CA12: variants seen among roughly 807,000 people sequenced by gnomAD.
The protein encoded by CA12 is carbonic anhydrase 12.
CA12 carries 36 observed loss-of-function variants against 46.8 expected under a neutral mutation model. That is an observed-to-expected ratio of 0.77 (90% CI 0.59 to 1.02). The LOEUF is 1.02. Among genes scored for constraint, CA12 ranks in the 50% least tolerant of loss-of-function variants. The pLI is 0.00. For missense variants in CA12, 436 were observed against 451.4 expected, an observed-to-expected ratio of 0.97 and a Z score of 0.31; for synonymous variants, 202 against 187.0, an observed-to-expected ratio of 1.08 and a Z score of -0.65.
chr15:63,363,863 A>C (rs1040708289), intron 2 of CA12, among the ~76,000 whole-genome samples: 1 of 152,198 alleles, frequency 6.6e-6, no homozygotes, highest in African/African-American at 2.4e-5. Flanking sequence ...CTGATGTACA[A>C]GTTAAGCATT....
At position 63,328,216 on chromosome 15, in the gene CA12, T is replaced by G; in HGVS notation, c.875-86A>C. 2 of 1,263,626 alleles carry G rather than the reference T, an allele frequency of 1.6e-6. No individual in the cohort carries two copies. The highest frequency in any genetic ancestry group is 2.3e-6 in the Non-Finnish European group (2 of 866,220). The allele number at this position is 1,263,626 out of a possible 1,614,324, so 78.3% of individuals were successfully genotyped here. On this transcript the variant is annotated intron_variant, in intron 8 of 10. Coordinates refer to ENST00000178638, the MANE Select transcript of CA12 (RefSeq NM_001218.5). The surrounding 1 kb of genome is among the most constrained non-coding windows in gnomAD (Gnocchi z 5.9). ...AGCGTGTTGAGAGACGCTCTACCAT[T>G]TGTTTGGTCTTAGGCTGACAGACCT...
Position 63,378,166 on chromosome 15 carries a change from T to A in CA12, c.86-2488A>T, listed in dbSNP as rs2039601229. On this transcript the variant is annotated intron_variant, in intron 1 of 10. Transcript: ENST00000178638. The surrounding 1 kb of genome is among the most constrained non-coding windows in gnomAD (Gnocchi z 4.8). ...ACTTTGGAAGACCAAGACAGGCAGA[T>A]CGCCTGAGGTCAGGAGTTCGAGACC... 6.6e-6 allele frequency among the ~76,000 whole-genome samples: 1 copy of A among 152,150 alleles called. No homozygotes were observed. Among genetic ancestry groups the A allele is most frequent in the South Asian group, 2.1e-4 (1 of 4,834 alleles).
At position 63,324,640 on chromosome 15, in the gene CA12, G is replaced by A. The variant is rs1372045158; in HGVS notation, c.*1645C>T. 1 of 151,262 alleles carries A rather than the reference G, an allele frequency of 6.6e-6. No homozygotes were observed. The highest frequency in any genetic ancestry group is 2.4e-5 in the African/African-American group (1 of 41,134). 9.4% of individuals were successfully genotyped at this position (151,262 alleles called of 1,614,324 possible). A position where few individuals can be genotyped will look rare whatever the true frequency, so the allele number is the denominator to read the frequency against. The stretch of plus-strand genomic sequence containing the variant: ...TTTGCCTAGCAAAACAGGCTCCCAA[G>A]ACATAAGGCTTGCCATCGTTGTGAA... On this transcript the variant is annotated 3_prime_UTR_variant, in exon 11 of 11. Transcript: ENST00000178638.
chr15:63,343,792 C>T (rs924304278), intron 4 of CA12, among the ~76,000 whole-genome samples: 2 of 152,188 alleles, frequency 1.3e-5, no homozygotes, highest in African/African-American at 2.4e-5. Flanking sequence ...TGCCAATCTA[C>T]ACCCTAACCT....
Position 63,340,553 on chromosome 15 carries a change from G to A in CA12, c.590-108C>T. ...GAAACATGAACTAGCCCCTTTCAGG[G>A]TCATCTAACCCCAGGACCTGGTTGC... is the stretch of plus-strand genomic sequence containing the variant. On this transcript the variant is annotated intron_variant, in intron 6 of 10. Coordinates refer to ENST00000178638, the MANE Select transcript of CA12 (RefSeq NM_001218.5). The surrounding 1 kb of genome is among the most constrained non-coding windows in gnomAD (Gnocchi z 4.4). The A allele has an allele frequency of 4.0e-6, 6 of 1,489,260 alleles. No homozygotes were observed. Among genetic ancestry groups the A allele is most frequent in the Non-Finnish European group, 5.6e-6 (6 of 1,067,124 alleles). The allele number at this position is 1,489,260 out of a possible 1,614,324, so 92.3% of individuals were successfully genotyped here. A position where few individuals can be genotyped will look rare whatever the true frequency, so the allele number is the denominator to read the frequency against.
At position 63,345,452 on chromosome 15, in the gene CA12, C is replaced by T. The variant is rs1379581938; in HGVS notation, c.429+25G>A. The T allele has an allele frequency of 1.2e-6, 2 of 1,602,686 alleles. No homozygotes were observed. The highest frequency in any genetic ancestry group is 2.2e-5 in the East Asian group (1 of 44,874). ...CACACCACCCACTGCAGAGCAGCCT[C>T]TGCCAGACTGGCAGCCCTACTTACC... On this transcript the variant is annotated intron_variant, in intron 4 of 10. Coordinates refer to ENST00000178638, the MANE Select transcript of CA12 (RefSeq NM_001218.5). The surrounding 1 kb of genome is among the most constrained non-coding windows in gnomAD (Gnocchi z 4.3).
chr15:63,378,349 T>C lies in CA12; in HGVS notation c.86-2671A>G, dbSNP rs1159216127. 2.0e-5 allele frequency among the ~76,000 whole-genome samples: 3 copies of C among 151,944 alleles called. No homozygotes were observed. The highest frequency in any genetic ancestry group is 4.4e-5 in the Non-Finnish European group (3 of 67,976). ...GTTGCAGTGAGCTGAGATTGTGCCATTGCACTCCAGAATGGGTGACAGAGC... is the reference window on the plus strand; with the variant it reads ...GTTGCAGTGAGCTGAGATTGTGCCACTGCACTCCAGAATGGGTGACAGAGC... On this transcript the variant is annotated intron_variant, in intron 1 of 10. Coordinates refer to ENST00000178638, the MANE Select transcript of CA12 (RefSeq NM_001218.5). The surrounding 1 kb of genome is among the most constrained non-coding windows in gnomAD (Gnocchi z 4.8).
Position 63,328,206 on chromosome 15 carries a change from G to GCT in CA12, c.875-78_875-77dup. On this transcript the variant is annotated intron_variant, in intron 8 of 10. Transcript: ENST00000178638. The surrounding 1 kb of genome is among the most constrained non-coding windows in gnomAD (Gnocchi z 5.9). ...GGATTTGAGCAGCGTGTTGAGAGAC[G>GCT]CTCTACCATTTGTTTGGTCTTAGGC... 7.4e-7 allele frequency: 1 copy of GCT among 1,346,408 alleles called. No individual in the cohort carries two copies. The highest frequency in any genetic ancestry group is 1.1e-6 in the Non-Finnish European group (1 of 938,606). 83.4% of individuals were successfully genotyped at this position (1,346,408 alleles called of 1,614,324 possible).
Position 63,373,321 on chromosome 15 carries a change from C to T in CA12, c.106+2337G>A, listed in dbSNP as rs373967885. On this transcript the variant is annotated intron_variant, in intron 2 of 10. Coordinates refer to ENST00000178638, the MANE Select transcript of CA12 (RefSeq NM_001218.5). This position sits in a 1 kb window ranked among gnomAD's most constrained non-coding sequence, Gnocchi z 4.9. The stretch of plus-strand genomic sequence containing the variant: ...CAGAGGTTGCAGTGAGCCAAGATCA[C>T]GCCACTGCACTCCACCCTGGGTGAG... Among the ~76,000 whole-genome samples the T allele has an allele frequency of 1.2e-4, 18 of 151,036 alleles. No homozygotes were observed. The highest frequency in any genetic ancestry group is 6.6e-4 in the Admixed American group (10 of 15,112).
At chr15:63,332,094 C>G (rs997835395) in intron 8 of CA12, among the ~76,000 whole-genome samples, 1 of 152,160 alleles carries the variant, frequency 6.6e-6, no homozygotes, top group South Asian at 2.1e-4. Flanking sequence ...TTAGATTTAT[C>G]AGGGGTTTGA....
rs1193540999 is a variant in CA12, at chr15:63,355,163, C to T, written c.107-8454G>A. Among the ~76,000 whole-genome samples the T allele has an allele frequency of 1.3e-5, 2 of 152,114 alleles. No homozygotes were observed. The highest frequency in any genetic ancestry group is 1.3e-4 in the Admixed American group (2 of 15,270). Reference sequence around the variant, plus strand: ...TCTCTGGACTTTTCTGTGTCTGCTCCCACCCCTCCTTTTCGTTCCAGCAGC... The same window carrying T: ...TCTCTGGACTTTTCTGTGTCTGCTCTCACCCCTCCTTTTCGTTCCAGCAGC... On this transcript the variant is annotated intron_variant, in intron 2 of 10. Coordinates refer to ENST00000178638, the MANE Select transcript of CA12 (RefSeq NM_001218.5). This position sits in a 1 kb window ranked among gnomAD's most constrained non-coding sequence, Gnocchi z 4.1.
At chr15:63,361,889 A>G (rs1333500965) in intron 2 of CA12, among the ~76,000 whole-genome samples, 1 of 152,230 alleles carries the variant, frequency 6.6e-6, no homozygotes, top group Non-Finnish European at 1.5e-5. Flanking sequence ...TTGTCTAAGC[A>G]TTCATCATAG....
Position 63,327,134 on chromosome 15 carries a change from C to T in CA12, c.992+15G>A. The stretch of plus-strand genomic sequence containing the variant: ...CATAGCTGTCCATTCCCATTTTGGA[C>T]CCAAACCAGCTCACCTCTTCCTTCT... On this transcript the variant is annotated intron_variant, in intron 10 of 10. Coordinates refer to ENST00000178638, the MANE Select transcript of CA12 (RefSeq NM_001218.5). This position sits in a 1 kb window ranked among gnomAD's most constrained non-coding sequence, Gnocchi z 4.5. 1 of 1,611,822 alleles carries T rather than the reference C, an allele frequency of 6.2e-7. No individual in the cohort carries two copies. Among genetic ancestry groups the T allele is most frequent in the South Asian group, 1.1e-5 (1 of 91,010 alleles).
rs755226151 is a variant in CA12 at position 63,339,227 on chromosome 15, C to T, written c.748-282G>A. Among the ~76,000 whole-genome samples the T allele has an allele frequency of 9.8e-5, 14 of 142,912 alleles. No individual in the cohort carries two copies. Among genetic ancestry groups the T allele is most frequent in the East Asian group, 2.1e-4 (1 of 4,770 alleles). The allele number at this position is 142,912 out of a possible 152,430, so 93.8% of individuals were successfully genotyped here. Reference sequence around the variant, plus strand: ...CCAATTATACCTGGAATCTGCCCTGCGTGGAGGGAAACCTGGGGTGATGGA... The same window carrying T: ...CCAATTATACCTGGAATCTGCCCTGTGTGGAGGGAAACCTGGGGTGATGGA... On this transcript the variant is annotated intron_variant, in intron 7 of 10. Coordinates refer to ENST00000178638, the MANE Select transcript of CA12 (RefSeq NM_001218.5). This position sits in a 1 kb window ranked among gnomAD's most constrained non-coding sequence, Gnocchi z 4.3.
chr15:63,341,990 A>G lies in CA12; in HGVS notation c.525+12T>C. 1 of 1,595,774 alleles carries G rather than the reference A, an allele frequency of 6.3e-7. No individual in the cohort carries two copies. The highest frequency in any genetic ancestry group is 8.6e-7 in the Non-Finnish European group (1 of 1,163,462). On this transcript the variant is annotated intron_variant, in intron 5 of 10. Coordinates refer to ENST00000178638, the MANE Select transcript of CA12 (RefSeq NM_001218.5). This position sits in a 1 kb window ranked among gnomAD's most constrained non-coding sequence, Gnocchi z 5.2. ...TCAAATTTCACCTAAGAACCTTTTA[A>G]ATATCTCTTACCTCAATGAGAACAG...
intron 1 of CA12, among the ~76,000 whole-genome samples, chr15:63,376,656 T>A (rs987913781): frequency 6.6e-6 from 1 of 151,244 alleles, no homozygotes; most frequent in African/African-American, 2.4e-5. Context: ...TCTCTTTCTC[T>A]TTCTTTTTGT....
intron 2 of CA12, among the ~76,000 whole-genome samples, chr15:63,359,845 C>T (rs1299812916): frequency 4.6e-5 from 7 of 152,168 alleles, no homozygotes; most frequent in Admixed American, 4.6e-4. Flanking sequence ...CCTCATTGGC[C>T]GTGTTTCTCC....
chr15:63,335,880 GC>G (rs879543004), intron 8 of CA12, among the ~76,000 whole-genome samples: 86 of 152,278 alleles, frequency 5.6e-4, no homozygotes, highest in African/African-American at 2.0e-3. Context: ...CGTGAATGCA[GC>G]CCCCTGGGCA....
intron 4 of CA12, among the ~76,000 whole-genome samples, chr15:63,344,288 T>C (rs1008937145): frequency 6.6e-6 from 1 of 152,270 alleles, no homozygotes; most frequent in African/African-American, 2.4e-5. Flanking sequence ...CTTTCCCCAG[T>C]GTCTGCCCTT....
Sources: allele counts gnomAD v4.1 joint callset (sites outside exome capture counted in the v4.1 genomes callset), GRCh38; gene constraint gnomAD v4.1.1; non-coding constraint Gnocchi (gnomAD v3.1); transcripts MANE v1.5; gene names NCBI Gene and HGNC (gene_info 2026-07-23, HGNC 2026-07-21).